VRK2: variants seen among roughly 807,000 people sequenced by gnomAD.
The protein encoded by VRK2 is serine/threonine-protein kinase VRK2.
A neutral mutation model predicts 57.6 loss-of-function variants in VRK2; 60 were observed. That is an observed-to-expected ratio of 1.04 (90% CI 0.85 to 1.29). The LOEUF is 1.29. Among genes scored for constraint, VRK2 ranks in the 50% most tolerant of loss-of-function variants. VRK2 has a pLI of 0.00. For missense variants in VRK2, 705 were observed against 588.1 expected (o/e 1.20, Z -2.06); for synonymous variants, 231 against 199.2 (o/e 1.16, Z -1.35).
At chr2:57,987,508 T>A (rs1008909482) in intron 1 of VRK2, among the ~76,000 whole-genome samples, 4 of 152,192 alleles carry the variant, frequency 2.6e-5, no homozygotes, top group Non-Finnish European at 5.9e-5. Flanking sequence ...CATTACCAGT[T>A]CCTGATGTGG....
At chr2:58,054,796 G>A (rs1341395719) in intron 2 of VRK2, among the ~76,000 whole-genome samples, 3 of 152,116 alleles carry the variant, frequency 2.0e-5, no homozygotes, top group African/African-American at 4.8e-5. Flanking sequence ...TCTTTAGAAT[G>A]TTTGTCCCTG....
At chr2:58,029,041 A>T (rs1416175914) in intron 2 of VRK2, among the ~76,000 whole-genome samples, 1 of 150,212 alleles carries the variant, frequency 6.7e-6, no homozygotes, top group Admixed American at 6.7e-5. Flanking sequence ...TAACAATTTG[A>T]TCTCTCTAGA....
At chr2:58,100,680 G>A (rs1340881980) in intron 7 of VRK2, among the ~76,000 whole-genome samples, 2 of 151,330 alleles carry the variant, frequency 1.3e-5, no homozygotes, top group Admixed American at 6.6e-5. Context: ...ATTTTTCTTT[G>A]TCTCAGTATA....
chr2:57,937,319 G>A (rs2717027), intron 1 of VRK2, among the ~76,000 whole-genome samples: 108,168 of 151,812 alleles, frequency 0.71, 39,934 homozygotes, highest in African/African-American at 0.93. Flanking sequence ...CTCTTGAAAT[G>A]CATTATTTTC....
chr2:58,066,871 G>A, intron 2 of VRK2, among the ~76,000 whole-genome samples: 1 of 152,146 alleles, frequency 6.6e-6, no homozygotes, highest in Non-Finnish European at 1.5e-5. Flanking sequence ...CAACTTGATT[G>A]GATTGAAGGA....
chr2:58,113,758 G>A (rs1573180871), intron 7 of VRK2, among the ~76,000 whole-genome samples: 1 of 152,202 alleles, frequency 6.6e-6, no homozygotes, highest in East Asian at 1.9e-4. Context: ...GGCGGGGCAG[G>A]GCCTTTTCAC....
intron 2 of VRK2, among the ~76,000 whole-genome samples, chr2:58,079,515 AATTT>A (rs1481304364): frequency 6.6e-6 from 1 of 151,880 alleles, no homozygotes; most frequent in Non-Finnish European, 1.5e-5. Context: ...TATATTTATT[AATTT>A]ATTTCAGCTG....
At chr2:58,134,577 G>GTCC (rs1679709277) in intron 9 of VRK2, among the ~76,000 whole-genome samples, 1 of 143,284 alleles carries the variant, frequency 7.0e-6, no homozygotes. Flanking sequence ...CGCCACTGCA[G>GTCC]TCCGCAGTCC....
chr2:57,961,052 T>C (rs1671742624), intron 1 of VRK2, among the ~76,000 whole-genome samples: 1 of 152,112 alleles, frequency 6.6e-6, no homozygotes, highest in African/African-American at 2.4e-5. Flanking sequence ...CACAAGGACG[T>C]CATCAAAGAG....
chr2:57,988,339 T>C (rs1672663595), intron 1 of VRK2, among the ~76,000 whole-genome samples: 2 of 152,226 alleles, frequency 1.3e-5, no homozygotes, highest in Admixed American at 1.3e-4. Flanking sequence ...AAGTCCTATG[T>C]TGTGGTTTAC....
At chr2:58,148,756 T>C (rs1406478468) in intron 12 of VRK2, among the ~76,000 whole-genome samples, 1 of 151,756 alleles carries the variant, frequency 6.6e-6, no homozygotes, top group African/African-American at 2.4e-5. Flanking sequence ...CCATCATTTA[T>C]TGAAAAGATG....
intron 2 of VRK2, among the ~76,000 whole-genome samples, chr2:58,075,422 T>C (rs532362302): frequency 6.6e-6 from 1 of 152,192 alleles, no homozygotes; most frequent in African/African-American, 2.4e-5. Context: ...ATTGCTGGGT[T>C]GAATAGTATT....
intron 1 of VRK2, among the ~76,000 whole-genome samples, chr2:57,982,520 G>T (rs756270781): frequency 6.6e-6 from 1 of 152,166 alleles, no homozygotes; most frequent in Non-Finnish European, 1.5e-5. Flanking sequence ...GTATGCAATG[G>T]CTGTGGGAGG....
At chr2:58,155,543 T>C (rs1683673524) in intron 12 of VRK2, among the ~76,000 whole-genome samples, 1 of 151,910 alleles carries the variant, frequency 6.6e-6, no homozygotes, top group African/African-American at 2.4e-5. Flanking sequence ...CTGGGAAAGG[T>C]TGTCAGAGCT....
intron 1 of VRK2, among the ~76,000 whole-genome samples, chr2:57,969,736 C>G (rs1447248669): frequency 5.3e-5 from 8 of 151,940 alleles, no homozygotes; most frequent in Admixed American, 5.3e-4. Context: ...GAAACAAAAG[C>G]CTTGAGCTGA....
chr2:58,036,609 T>C (rs1674282095), intron 3 of VRK2, among the ~76,000 whole-genome samples: 1 of 151,990 alleles, frequency 6.6e-6, no homozygotes, highest in South Asian at 2.1e-4. Flanking sequence ...TATACAGAAA[T>C]ACTATGTAAA....
chr2:58,033,914 T>C (rs1674195124), intron 3 of VRK2, among the ~76,000 whole-genome samples: 1 of 152,020 alleles, frequency 6.6e-6, no homozygotes, highest in Non-Finnish European at 1.5e-5. Context: ...TCTGATACAA[T>C]TTCCTACTAG....
Position 58,159,739 on chromosome 2 carries a change from C to T in VRK2, c.*46C>T. ...TTGATAATTTTTTAAGTTTCCAGCTCTTCACCGAAATGTTGTATTCTTATT... is the reference window on the plus strand; with the variant it reads ...TTGATAATTTTTTAAGTTTCCAGCTTTTCACCGAAATGTTGTATTCTTATT... On this transcript the variant is annotated 3_prime_UTR_variant, in exon 13 of 13. Transcript: ENST00000340157. 6.2e-7 allele frequency: 1 copy of T among 1,612,862 alleles called. No homozygotes were observed. Among genetic ancestry groups the T allele is most frequent in the Non-Finnish European group, 8.5e-7 (1 of 1,179,548 alleles).
chr2:57,980,763 G>C (rs1392798755), intron 1 of VRK2, among the ~76,000 whole-genome samples: 1 of 152,128 alleles, frequency 6.6e-6, no homozygotes, highest in Admixed American at 6.5e-5. Flanking sequence ...TTGTTTAATT[G>C]AACCCTTTAT....
Sources: gnomAD v4.1 joint callset for allele counts (sites outside exome capture counted in the v4.1 genomes callset) on GRCh38, gnomAD v4.1.1 for gene constraint, MANE v1.5 for transcripts, NCBI Gene and HGNC (gene_info 2026-07-23, HGNC 2026-07-21) for gene names.